DRC3: variants seen among roughly 807,000 people sequenced by gnomAD.
The protein encoded by DRC3 is leucine rich repeat containing 48.
In DRC3, 45 loss-of-function variants were observed where a neutral mutation model predicts 57.6. The observed-to-expected ratio is 0.78, with a 90% confidence interval of 0.62 to 1.00. The LOEUF (loss-of-function observed/expected upper bound fraction) is 1.00, where lower values mean the gene tolerates loss of function less well. Ranked by LOEUF, DRC3 falls within the 50% of genes least tolerant of loss-of-function variation. DRC3 has a pLI of 0.00. For synonymous variants in DRC3, 257 were observed against 272.3 expected (o/e 0.94, Z 0.55); for missense variants, 655 against 675.2 (o/e 0.97, Z 0.33).
intron 4 of DRC3, among the ~76,000 whole-genome samples, chr17:17,984,236 G>A (rs938546610): frequency 6.6e-6 from 1 of 152,164 alleles, no homozygotes; most frequent in African/African-American, 2.4e-5. Context: ...GGCAGCTGTG[G>A]ACTCCTATTT....
intron 8 of DRC3, 145 bp from the exon 9 acceptor site, chr17:17,997,315 A>G (rs1036891501): frequency 5.7e-6 from 4 of 707,436 alleles, no homozygotes; most frequent in East Asian, 3.2e-5. Flanking sequence ...TCATCCACCA[A>G]ATGAACCAAA....
chr17:17,995,204 CTCTT>C (rs2043407963), intron 8 of DRC3, 93 bp downstream of exon 8: 2 of 852,020 alleles, frequency 2.3e-6, no homozygotes, highest in East Asian at 5.3e-5. Context: ...TTCTTCATCT[CTCTT>C]GTAAGACCTT....
At chr17:17,980,448 C>T (rs779035723) in intron 3 of DRC3, among the ~76,000 whole-genome samples, 1 of 152,038 alleles carries the variant, frequency 6.6e-6, no homozygotes, top group African/African-American at 2.4e-5. Context: ...GCATATGCGG[C>T]CACGCCTGGC....
chr17:17,988,183 A>C (rs936305012), intron 5 of DRC3, 85 bp downstream of exon 5: 15 of 1,373,292 alleles, frequency 1.1e-5, no homozygotes, highest in Middle Eastern at 4.2e-4. Context: ...GGCTAGGGGA[A>C]GTACAGGCTG....
chr17:18,014,688 T>C (rs1028796956), intron 12 of DRC3, among the ~76,000 whole-genome samples: 11 of 152,202 alleles, frequency 7.2e-5, no homozygotes, highest in African/African-American at 2.7e-4. Context: ...AGCTCCACTA[T>C]GACCCACCTT....
At chr17:17,985,796 A>C (rs561737783) in intron 4 of DRC3, among the ~76,000 whole-genome samples, 1 of 152,334 alleles carries the variant, frequency 6.6e-6, no homozygotes, top group African/African-American at 2.4e-5. Flanking sequence ...TCCCAAGAAC[A>C]GAACCCAGTG....
At position 17,987,163 on chromosome 17, in the gene DRC3, C is replaced by T. The variant is rs140343447; in HGVS notation, c.278-769C>T. On this transcript the variant is annotated intron_variant, in intron 4 of 13. Coordinates refer to ENST00000399187, the MANE Select transcript of DRC3 (RefSeq NM_031294.4). ...CCAGGAGGTCAAGGATGCAATGAAC[C>T]GTGATTGCGCCACTGCACTCCAGTC... Among the ~76,000 whole-genome samples the T allele has an allele frequency of 4.9e-3, 676 of 137,078 alleles. 5 individuals are homozygous for T. Among genetic ancestry groups the T allele is most frequent in the African/African-American group, 0.018 (653 of 36,570 alleles). The allele number at this position is 137,078 out of a possible 152,430, so 89.9% of individuals were successfully genotyped here.
intron 2 of DRC3, among the ~76,000 whole-genome samples, chr17:17,975,922 C>T (rs1286005275): frequency 1.3e-5 from 2 of 152,102 alleles, no homozygotes; most frequent in African/African-American, 4.8e-5. Flanking sequence ...AAGCTGCATC[C>T]AAGTGGATGG....
intron 6 of DRC3, chr17:17,994,018 C>T: frequency 2.6e-6 from 1 of 379,888 alleles, no homozygotes; most frequent in South Asian, 2.3e-5. Context: ...GCTGTGGCTC[C>T]TGCCCTGGAG....
At chr17:17,991,117 C>T (rs1247049084) in intron 5 of DRC3, among the ~76,000 whole-genome samples, 5 of 152,064 alleles carry the variant, frequency 3.3e-5, no homozygotes, top group African/African-American at 9.7e-5. Context: ...TAGCACATGC[C>T]GGAGGCCTGC....
intron 2 of DRC3, among the ~76,000 whole-genome samples, chr17:17,974,506 G>T (rs1242731014): frequency 6.6e-6 from 1 of 152,168 alleles, no homozygotes. Flanking sequence ...AGGGTAGCTG[G>T]GACTACAGGC....
intron 12 of DRC3, among the ~76,000 whole-genome samples, chr17:18,013,929 C>T (rs1206105407): frequency 1.6e-5 from 2 of 125,158 alleles, no homozygotes; most frequent in African/African-American, 7.0e-5. Flanking sequence ...TTTTTTAATG[C>T]CAATTTTTTT....
rs71155309 is a variant in DRC3, at chr17:18,003,484, TAAAAAAAAAAAAAAAAAAA to T, written c.1000-865_1000-847del. On this transcript the variant is annotated intron_variant, in intron 9 of 13. Transcript: ENST00000399187. ...GGGTGACAGAGTGAGACTACGTCTT[TAAAAAAAAAAAAAAAAAAA>T]AAAAAAAAAAAAAGAATGGTTTCTT... 7.6e-4 allele frequency among the ~76,000 whole-genome samples: 23 copies of T among 30,124 alleles called. No individual in the cohort carries two copies. In the South Asian group the frequency reaches 8.5e-3, roughly 11 times the overall value. The allele number at this position is 30,124 out of a possible 152,430, so 19.8% of individuals were successfully genotyped here.
intron 3 of DRC3, among the ~76,000 whole-genome samples, chr17:17,979,045 T>G: frequency 6.6e-6 from 1 of 151,496 alleles, no homozygotes; most frequent in Non-Finnish European, 1.5e-5. Flanking sequence ...AAAAGGGAAG[T>G]TGGGGGTGGA....
At chr17:17,999,980 G>A (rs778007347) in intron 9 of DRC3, among the ~76,000 whole-genome samples, 14 of 151,584 alleles carry the variant, frequency 9.2e-5, no homozygotes, top group South Asian at 2.1e-4. Flanking sequence ...CTTTGCTTTC[G>A]TGTGTGTGTG....
intron 9 of DRC3, among the ~76,000 whole-genome samples, chr17:17,999,986 G>T (rs1380810619): frequency 6.6e-6 from 1 of 152,114 alleles, no homozygotes. Context: ...TTTCGTGTGT[G>T]TGTGTGAGCA....
chr17:17,987,813 C>T, intron 4 of DRC3, 119 bp from the exon 5 acceptor site: 1 of 1,008,462 alleles, frequency 9.9e-7, no homozygotes, highest in Non-Finnish European at 1.4e-6. Flanking sequence ...GAGTCAAATT[C>T]TGGCCCTGGC....
intron 3 of DRC3, among the ~76,000 whole-genome samples, chr17:17,980,484 G>T (rs894952635): frequency 1.3e-5 from 2 of 151,944 alleles, no homozygotes; most frequent in African/African-American, 4.8e-5. Flanking sequence ...TAGTAGAGAT[G>T]GGGTTTCACC....
chr17:17,991,421 G>T (rs530329930), intron 5 of DRC3, among the ~76,000 whole-genome samples: 73 of 147,730 alleles, frequency 4.9e-4, no homozygotes, highest in African/African-American at 1.8e-3. Context: ...CTCCCAAGTA[G>T]CTGGGACTAT....
Sources: gnomAD v4.1 joint callset for allele counts (sites outside exome capture counted in the v4.1 genomes callset) on GRCh38, gnomAD v4.1.1 for gene constraint, MANE v1.5 for transcripts, NCBI Gene and HGNC (gene_info 2026-07-23, HGNC 2026-07-21) for gene names.